LSAMP: variants seen among roughly 807,000 people sequenced by gnomAD.
LSAMP encodes the protein limbic system-associated membrane protein.
Under a neutral mutation model 38.6 loss-of-function variants are expected in LSAMP, and 7 were observed. The observed-to-expected ratio is 0.18, with a 90% confidence interval of 0.10 to 0.34. LSAMP has a LOEUF of 0.34. Among genes scored for constraint, LSAMP ranks in the 10% least tolerant of loss-of-function variants. The pLI is 1.00. For synonymous variants in LSAMP, 154 were observed against 166.8 expected (o/e 0.92, Z 0.59); for missense variants, 313 against 420.0 (o/e 0.75, Z 2.23).
At chr3:115,966,856 G>A (rs1938832123) in intron 3 of LSAMP, among the ~76,000 whole-genome samples, 1 of 152,148 alleles carries the variant, frequency 6.6e-6, no homozygotes. Flanking sequence ...CTAAATTTCA[G>A]GATAGTGATT....
intron 6 of LSAMP, chr3:115,816,690 C>A: frequency 8.6e-7 from 1 of 1,166,662 alleles, no homozygotes. Flanking sequence ...AATAAAAAAT[C>A]TTTATCAATT....
intron 3 of LSAMP, among the ~76,000 whole-genome samples, chr3:115,927,555 T>C (rs1021486729): frequency 3.9e-5 from 6 of 152,294 alleles, no homozygotes; most frequent in Non-Finnish European, 8.8e-5. Context: ...TTATGTATTA[T>C]TTTATTTTTG....
chr3:115,954,679 G>T lies in LSAMP; in HGVS notation c.514+64836C>A, dbSNP rs188432846. 1.5e-4 allele frequency among the ~76,000 whole-genome samples: 23 copies of T among 152,286 alleles called. No individual in the cohort carries two copies. In the East Asian group the frequency reaches 3.3e-3, roughly 22 times the overall value. ...TTTAACCAAATGTGATTTTAAGATG[G>T]CTGGCAAGGAAAAGGCGTTCTCTCT... On this transcript the variant is annotated intron_variant, in intron 3 of 6. Transcript: ENST00000490035.
At chr3:115,922,625 C>A (rs1271304541) in intron 3 of LSAMP, among the ~76,000 whole-genome samples, 1 of 151,886 alleles carries the variant, frequency 6.6e-6, no homozygotes, top group Non-Finnish European at 1.5e-5. Flanking sequence ...GTGTGTCTTA[C>A]AACTTTTTAT....
chr3:115,996,820 G>C (rs1457935137), intron 3 of LSAMP, among the ~76,000 whole-genome samples: 1 of 152,072 alleles, frequency 6.6e-6, no homozygotes, highest in African/African-American at 2.4e-5. Context: ...AAATAAACCA[G>C]GTCTATTCAA....
chr3:116,189,678 T>C (rs1366437010), intron 1 of LSAMP, among the ~76,000 whole-genome samples: 1 of 152,152 alleles, frequency 6.6e-6, no homozygotes, highest in Non-Finnish European at 1.5e-5. Flanking sequence ...AGTTTTTAAG[T>C]GGCCTATATC....
At chr3:115,868,341 C>G (rs1190845683) in intron 3 of LSAMP, among the ~76,000 whole-genome samples, 1 of 152,122 alleles carries the variant, frequency 6.6e-6, no homozygotes, top group East Asian at 1.9e-4. Flanking sequence ...AATTCCAAAA[C>G]AGTCATGTGT....
intron 1 of LSAMP, among the ~76,000 whole-genome samples, chr3:116,297,238 A>G (rs1000327784): frequency 6.6e-6 from 1 of 152,190 alleles, no homozygotes; most frequent in African/African-American, 2.4e-5. Flanking sequence ...AACTAAGAAA[A>G]TAAATCCATG....
In LSAMP at chr3:115,809,821, T is replaced by C. The variant is rs1431109965; in HGVS notation, c.*496A>G. ...GAGAAAGGCTCAACATAAGATTCCA[T>C]TGATAGTCTGAAGTGGCTACAAGTC... On this transcript the variant is annotated 3_prime_UTR_variant, in exon 7 of 7. Coordinates refer to ENST00000490035, the MANE Select transcript of LSAMP (RefSeq NM_002338.5). 2 of 153,088 alleles carry C rather than the reference T, an allele frequency of 1.3e-5. No individual in the cohort carries two copies. The highest frequency in any genetic ancestry group is 3.8e-4 in the East Asian group (2 of 5,210). 9.5% of individuals were successfully genotyped at this position (153,088 alleles called of 1,614,324 possible). A position where few individuals can be genotyped will look rare whatever the true frequency, so the allele number is the denominator to read the frequency against.
intron 2 of LSAMP, among the ~76,000 whole-genome samples, chr3:116,027,856 C>T (rs1576317602): frequency 2.0e-5 from 3 of 152,074 alleles, no homozygotes; most frequent in Non-Finnish European, 4.4e-5. Context: ...AAATAATTAG[C>T]GGTTATTATT....
intron 1 of LSAMP, among the ~76,000 whole-genome samples, chr3:116,415,400 T>C (rs897617614): frequency 6.6e-6 from 1 of 152,228 alleles, no homozygotes; most frequent in Non-Finnish European, 1.5e-5. Context: ...CAAAGACCTA[T>C]AGGCCTAAAT....
At chr3:116,254,068 T>C (rs2046719469) in intron 1 of LSAMP, among the ~76,000 whole-genome samples, 1 of 152,182 alleles carries the variant, frequency 6.6e-6, no homozygotes, top group Non-Finnish European at 1.5e-5. Context: ...TGATAACTTA[T>C]GGAGTAATCT....
chr3:116,165,979 T>C lies in LSAMP; in HGVS notation c.156-79423A>G, dbSNP rs533023799. On this transcript the variant is annotated intron_variant, in intron 1 of 6. Coordinates refer to ENST00000490035, the MANE Select transcript of LSAMP (RefSeq NM_002338.5). ...TCTAAAAACATCATATGTGTGTGTATGTGTGTATTTCCTTGTTCTTTATAT... is the reference window on the plus strand; with the variant it reads ...TCTAAAAACATCATATGTGTGTGTACGTGTGTATTTCCTTGTTCTTTATAT... Among the ~76,000 whole-genome samples, 9 of 152,322 alleles carry C rather than the reference T, an allele frequency of 5.9e-5. 1 individual carries two copies. Among genetic ancestry groups the C allele is most frequent in the Admixed American group, 2.0e-4 (3 of 15,300 alleles).
intron 3 of LSAMP, among the ~76,000 whole-genome samples, chr3:115,886,563 A>G (rs543973119): frequency 2.6e-5 from 4 of 152,148 alleles, no homozygotes; most frequent in African/African-American, 4.8e-5. Context: ...CAGACTTGAA[A>G]TACTGGTAAG....
At chr3:116,429,636 T>C (rs1476521352) in intron 1 of LSAMP, among the ~76,000 whole-genome samples, 1 of 152,188 alleles carries the variant, frequency 6.6e-6, no homozygotes, top group Non-Finnish European at 1.5e-5. Flanking sequence ...TCATCTCTGA[T>C]GATACTGTGG....
chr3:115,894,733 GA>G (rs1306244342), intron 3 of LSAMP, among the ~76,000 whole-genome samples: 2 of 152,008 alleles, frequency 1.3e-5, no homozygotes, highest in African/African-American at 4.8e-5. Context: ...TGACACGCAG[GA>G]AAAATTTAAA....
intron 1 of LSAMP, among the ~76,000 whole-genome samples, chr3:116,285,915 A>G (rs1332577810): frequency 1.3e-5 from 2 of 152,212 alleles, no homozygotes; most frequent in Non-Finnish European, 2.9e-5. Context: ...GGGTAGTTTC[A>G]TTGGGGAAGA....
chr3:116,234,669 G>A (rs941438154), intron 1 of LSAMP, among the ~76,000 whole-genome samples: 3 of 151,936 alleles, frequency 2.0e-5, no homozygotes, highest in African/African-American at 4.8e-5. Flanking sequence ...ACTAAAACAA[G>A]CCCTCTAAAA....
intron 3 of LSAMP, among the ~76,000 whole-genome samples, chr3:115,880,509 T>G (rs1429789820): frequency 6.6e-6 from 1 of 152,166 alleles, no homozygotes; most frequent in Non-Finnish European, 1.5e-5. Flanking sequence ...TGAGATGCTC[T>G]TGAAAACAAC....
Sources: allele counts gnomAD v4.1 joint callset (sites outside exome capture counted in the v4.1 genomes callset), GRCh38; gene constraint gnomAD v4.1.1; transcripts MANE v1.5; gene names NCBI Gene and HGNC (gene_info 2026-07-23, HGNC 2026-07-21).